TRMT13: variants seen among roughly 807,000 people sequenced by gnomAD.
TRMT13 encodes the protein tRNA:m(4)X modification enzyme TRM13 homolog.
Under a neutral mutation model 55.9 loss-of-function variants are expected in TRMT13, and 45 were observed. The ratio of observed to expected loss-of-function variants is 0.80; its 90% CI spans 0.63 to 1.03. The LOEUF is 1.03. Among genes scored for constraint, TRMT13 ranks in the 50% least tolerant of loss-of-function variants. The pLI is 0.00. For missense variants in TRMT13, 513 were observed against 563.9 expected, an observed-to-expected ratio of 0.91 and a Z score of 0.91; for synonymous variants, 183 against 196.3, an observed-to-expected ratio of 0.93 and a Z score of 0.57.
chr1:100,138,482 G>A (rs551840682), intron 3 of TRMT13, among the ~76,000 whole-genome samples: 2 of 152,252 alleles, frequency 1.3e-5, no homozygotes, highest in South Asian at 4.1e-4. Flanking sequence ...AATTCCTGCA[G>A]TAAAACATTG....
At chr1:100,142,798 G>A (rs1656785495) in intron 7 of TRMT13, 1 of 249,200 alleles carries the variant, frequency 4.0e-6, no homozygotes, top group South Asian at 5.8e-5. Context: ...GCAAGAAGAG[G>A]AGCGAACCAA....
chr1:100,139,047 G>A (rs938869204), intron 3 of TRMT13, among the ~76,000 whole-genome samples: 2 of 152,196 alleles, frequency 1.3e-5, no homozygotes, highest in Admixed American at 6.5e-5. Flanking sequence ...GGATCCTTCT[G>A]CCTTGGCCTC....
intron 1 of TRMT13, among the ~76,000 whole-genome samples, chr1:100,135,379 A>C (rs1227385759): frequency 6.6e-6 from 1 of 151,014 alleles, no homozygotes; most frequent in African/African-American, 2.5e-5. Context: ...AATATATAGT[A>C]TTTTCAAAAA....
chr1:100,149,241 T>C lies in TRMT13; in HGVS notation c.*421T>C. 1 of 1,500,996 alleles carries C rather than the reference T, an allele frequency of 6.7e-7. No individual in the cohort carries two copies. 93.0% of individuals were successfully genotyped at this position (1,500,996 alleles called of 1,614,324 possible). On this transcript the variant is annotated 3_prime_UTR_variant, in exon 11 of 11. Transcript: ENST00000370141. ...TGATTGATTGTAACAAGGGCCAATCTGAGAATTTGACTTATATGTGGACAT... is the reference window on the plus strand; with the variant it reads ...TGATTGATTGTAACAAGGGCCAATCCGAGAATTTGACTTATATGTGGACAT...
chr1:100,143,311 A>G, intron 8 of TRMT13, 102 bp downstream of exon 8: 1 of 624,956 alleles, frequency 1.6e-6, no homozygotes, highest in Admixed American at 3.1e-5. Flanking sequence ...CTTCAGGGAA[A>G]ACAGTCAAAT....
At chr1:100,142,091 C>T (rs1372236662) in intron 7 of TRMT13, among the ~76,000 whole-genome samples, 8 of 152,124 alleles carry the variant, frequency 5.3e-5, no homozygotes, top group Non-Finnish European at 1.2e-4. Flanking sequence ...AGGAAGCTTA[C>T]GTCTAGTGGA....
chr1:100,141,542 G>A (rs934593260), intron 7 of TRMT13, among the ~76,000 whole-genome samples: 1 of 152,102 alleles, frequency 6.6e-6, no homozygotes, highest in Admixed American at 6.6e-5. Flanking sequence ...TTGTCGCCCA[G>A]GCTGGTGTCG....
chr1:100,139,855 G>GGTTA, intron 4 of TRMT13, 144 bp downstream of exon 4: 3 of 619,792 alleles, frequency 4.8e-6, no homozygotes, highest in Non-Finnish European at 8.5e-6. Context: ...TGTTAGTGAT[G>GGTTA]GTTAGTTCCT....
At chr1:100,134,266 A>G (rs1444142298) in intron 1 of TRMT13, among the ~76,000 whole-genome samples, 1 of 152,136 alleles carries the variant, frequency 6.6e-6, no homozygotes, top group Non-Finnish European at 1.5e-5. Context: ...TTACTTTAGG[A>G]TATATATGAG....
At chr1:100,134,947 CT>C (rs1655613358) in intron 1 of TRMT13, among the ~76,000 whole-genome samples, 1 of 152,128 alleles carries the variant, frequency 6.6e-6, no homozygotes, top group Non-Finnish European at 1.5e-5. Context: ...GTGTTTCCAT[CT>C]TTTTTTCTAA....
At chr1:100,148,579 T>G (rs1415771065) in intron 10 of TRMT13, 46 bp from the exon 11 acceptor site, 15 of 1,550,342 alleles carry the variant, frequency 9.7e-6, no homozygotes, top group Non-Finnish European at 1.3e-5. Context: ...TTTTATAAAC[T>G]TTTGCAAAAT....
chr1:100,134,924 G>A (rs1655609567), intron 1 of TRMT13, among the ~76,000 whole-genome samples: 1 of 152,168 alleles, frequency 6.6e-6, no homozygotes, highest in South Asian at 2.1e-4. Context: ...AATTTATGAT[G>A]TAACTGGATG....
intron 6 of TRMT13, 47 bp downstream of exon 6, chr1:100,140,561 G>T: frequency 1.5e-6 from 2 of 1,324,044 alleles, no homozygotes; most frequent in South Asian, 1.2e-5. Context: ...TTGTTCATTT[G>T]TTAAAACTGT....
At position 100,148,037 on chromosome 1, in the gene TRMT13, C is replaced by T; in HGVS notation, c.961C>T (p.Pro321Ser). ...CAAGGAAGGAAATGAAAAAAATGTC[C>T]CAGAGAAGTGGAACCCTGTGGCTGG... is the stretch of plus-strand genomic sequence containing the variant. ...LAKEGNEKNV[P>S]EKWNPVAGIV... Residue 321 changes from proline (P) to serine (S), a missense_variant, in exon 10 of 11, where the codon CCA becomes TCA. Physicochemically the swap from Pro to Ser is moderately conservative, Grantham distance 74. Coordinates refer to ENST00000370141, the MANE Select transcript of TRMT13 (RefSeq NM_019083.3). The T allele has an allele frequency of 6.2e-7, 1 of 1,614,054 alleles. No homozygotes were observed. Among genetic ancestry groups the T allele is most frequent in the Non-Finnish European group, 8.5e-7 (1 of 1,180,006 alleles).
Position 100,148,034 on chromosome 1 carries a change from G to A in TRMT13, c.958G>A (p.Val320Ile), listed in dbSNP as rs1570752537. Residue 320 changes from valine (V) to isoleucine (I), a missense_variant, in exon 10 of 11, where the codon GTC becomes ATC. By Grantham distance (29) the Val-to-Ile change is conservative. Around this residue, in one of 3 missense-constraint regions of TRMT13, gnomAD observed 209 missense variants for 255.8 expected, o/e 0.82. Coordinates refer to ENST00000370141, the MANE Select transcript of TRMT13 (RefSeq NM_019083.3). ...GGCCAAGGAAGGAAATGAAAAAAAT[G>A]TCCCAGAGAAGTGGAACCCTGTGGC... ...TLAKEGNEKN[V>I]PEKWNPVAGI... 1.9e-6 allele frequency: 3 copies of A among 1,614,194 alleles called. No homozygotes were observed. The East Asian group carries it at 6.7e-5, about 36-fold the overall frequency.
chr1:100,145,690 G>A (rs551239047), intron 9 of TRMT13, among the ~76,000 whole-genome samples: 2 of 152,212 alleles, frequency 1.3e-5, no homozygotes, highest in East Asian at 3.9e-4. Flanking sequence ...GGATTAGCTT[G>A]GGCACATAGG....
At chr1:100,147,824 TAATA>T (rs2101747673) in intron 9 of TRMT13, 66 bp from the exon 10 acceptor site, 1 of 1,424,992 alleles carries the variant, frequency 7.0e-7, no homozygotes, top group East Asian at 2.4e-5. Context: ...CAGTACTGCT[TAATA>T]AATGTAAAAA....
rs530925602 is a variant in TRMT13, at chr1:100,134,873, T to C, written c.147+1558T>C. Among the ~76,000 whole-genome samples the C allele has an allele frequency of 5.9e-5, 9 of 152,344 alleles. No individual in the cohort carries two copies. The East Asian group carries it at 9.6e-4, about 16-fold the overall frequency. On this transcript the variant is annotated intron_variant, in intron 1 of 10. Coordinates refer to ENST00000370141, the MANE Select transcript of TRMT13 (RefSeq NM_019083.3). ...ATCAAGTGGAAACACTTTTATTGAC[T>C]ACTATCTCGTTTTAAATTGTGGCTA... is the stretch of plus-strand genomic sequence containing the variant.
In TRMT13 at chr1:100,148,266, G is replaced by C. The variant is rs528114366; in HGVS notation, c.1190G>C (p.Ser397Thr). 2.2e-5 allele frequency: 35 copies of C among 1,614,206 alleles called. No individual in the cohort carries two copies. The South Asian group carries it at 3.8e-4, about 18-fold the overall frequency. The change falls in exon 10 of 11, where the codon AGT (serine) becomes ACT (threonine). Residue 397 changes from serine to threonine, a missense_variant. Physicochemically the swap from Ser to Thr is moderately conservative, Grantham distance 58. Around this residue, in one of 3 missense-constraint regions of TRMT13, gnomAD observed 209 missense variants for 255.8 expected, o/e 0.82. Coordinates refer to ENST00000370141, the MANE Select transcript of TRMT13 (RefSeq NM_019083.3). ...AGGCAAGATAATCAGAATGATGATA[G>C]TGAAGAGCATGATGATGGAGGATAC... ...TKRQDNQNDD[S>T]EEHDDGGYRI...
Sources: allele counts gnomAD v4.1 joint callset (sites outside exome capture counted in the v4.1 genomes callset), GRCh38; gene constraint gnomAD v4.1.1; regional missense constraint gnomAD v4.1.1; transcripts MANE v1.5; gene names NCBI Gene and HGNC (gene_info 2026-07-23, HGNC 2026-07-21).